Variants in CPVL observed in about 807,000 individuals in gnomAD.
CPVL encodes the protein probable serine carboxypeptidase CPVL.
CPVL carries 51 observed loss-of-function variants against 63.7 expected under a neutral mutation model. The observed-to-expected ratio is 0.80, with a 90% CI of 0.64 to 1.01. The LOEUF (loss-of-function observed/expected upper bound fraction) is 1.01, where lower values mean the gene tolerates loss of function less well. Among genes scored for constraint, CPVL ranks in the 50% least tolerant of loss-of-function variants. The pLI is 0.00. For synonymous variants in CPVL, 195 were observed against 206.0 expected, an observed-to-expected ratio of 0.95 and a Z score of 0.46; for missense variants, 530 against 573.1, an observed-to-expected ratio of 0.92 and a Z score of 0.77.
intron 3 of CPVL, among the ~76,000 whole-genome samples, chr7:29,106,631 A>C (rs529613874): frequency 3.9e-5 from 6 of 152,298 alleles, no homozygotes; most frequent in African/African-American, 1.4e-4. Context: ...TGAGAGCTCT[A>C]CTATGGCAGA....
chr7:29,018,766 C>T (rs1366353880), intron 12 of CPVL, among the ~76,000 whole-genome samples: 1 of 152,096 alleles, frequency 6.6e-6, no homozygotes, highest in African/African-American at 2.4e-5. Flanking sequence ...AATGCAGTGA[C>T]AATATCAACT....
At chr7:29,060,200 G>C (rs534630353) in intron 11 of CPVL, among the ~76,000 whole-genome samples, 2,121 of 33,028 alleles carry the variant, frequency 0.064, 22 homozygotes, top group Middle Eastern at 0.17. Context: ...TAACCATCAG[G>C]CACTCTTCTA....
intron 3 of CPVL, among the ~76,000 whole-genome samples, chr7:29,107,567 C>T (rs1787847350): frequency 6.6e-6 from 1 of 152,182 alleles, no homozygotes; most frequent in African/African-American, 2.4e-5. Flanking sequence ...TGTATCCAAA[C>T]CTCTAGATCT....
upstream of CPVL, chr7:29,146,830 A>G: frequency 1.9e-6 from 3 of 1,550,648 alleles, no homozygotes; most frequent in Non-Finnish European, 2.6e-6. Context: ...TGTATTTTGA[A>G]ATTATTTCTG....
chr7:29,043,732 TG>T (rs992744200), intron 11 of CPVL, among the ~76,000 whole-genome samples: 13 of 152,168 alleles, frequency 8.5e-5, no homozygotes, highest in African/African-American at 3.1e-4. Context: ...GATTGACTCA[TG>T]GCAGGAGTGT....
chr7:29,145,043 G>T (rs1385235915), intron 1 of CPVL, among the ~76,000 whole-genome samples: 1 of 151,546 alleles, frequency 6.6e-6, no homozygotes, highest in Non-Finnish European at 1.5e-5. Context: ...CCTGTACTTA[G>T]ACTAGCATGA....
At chr7:29,102,992 C>T (rs1787314212) in intron 3 of CPVL, among the ~76,000 whole-genome samples, 1 of 151,970 alleles carries the variant, frequency 6.6e-6, no homozygotes. Flanking sequence ...TCCTGTCTGC[C>T]CTATTGTTCC....
At chr7:29,190,281 T>A (rs1782723061) in intron 1 of CPVL, among the ~76,000 whole-genome samples, 1 of 152,180 alleles carries the variant, frequency 6.6e-6, no homozygotes, top group South Asian at 2.1e-4. Context: ...CCATAAAATA[T>A]TTAAAGCTAG....
At chr7:29,030,455 G>T in intron 12 of CPVL, 122 bp downstream of exon 12, 1 of 889,566 alleles carries the variant, frequency 1.1e-6, no homozygotes, top group Non-Finnish European at 1.8e-6. Context: ...GGCCACAGAA[G>T]ACACACACTG....
At chr7:29,069,738 T>G (rs1584165460) in intron 9 of CPVL, among the ~76,000 whole-genome samples, 2 of 147,750 alleles carry the variant, frequency 1.4e-5, no homozygotes, top group Non-Finnish European at 3.1e-5. Flanking sequence ...TGCTATCCCC[T>G]GGGGCTCGGC....
intron 12 of CPVL, among the ~76,000 whole-genome samples, chr7:29,029,120 G>C (rs1451350728): frequency 2.6e-5 from 4 of 152,244 alleles, no homozygotes; most frequent in Admixed American, 1.3e-4. Context: ...TCTCATTGGA[G>C]TTATAATGGC....
At chr7:29,081,916 AGCT>A (rs1784758270) in intron 7 of CPVL, among the ~76,000 whole-genome samples, 1 of 152,226 alleles carries the variant, frequency 6.6e-6, no homozygotes. Flanking sequence ...GGTTCTGAAC[AGCT>A]GCTCCAGACC....
chr7:29,014,322 T>TTTTTGTTTTG (rs201447528), intron 12 of CPVL, among the ~76,000 whole-genome samples: 1 of 151,988 alleles, frequency 6.6e-6, no homozygotes, highest in African/African-American at 2.4e-5. Flanking sequence ...AAGCCAAAGC[T>TTTTTGTTTTG]TTTTGTTTTG....
intron 4 of CPVL, among the ~76,000 whole-genome samples, chr7:29,182,447 G>A (rs1032684512): frequency 4.6e-5 from 7 of 152,148 alleles, no homozygotes; most frequent in South Asian, 2.1e-4. Flanking sequence ...AAAAGAAAAC[G>A]TAGAAAGTTG....
intron 3 of CPVL, among the ~76,000 whole-genome samples, chr7:29,110,529 C>T (rs1386289320): frequency 6.6e-6 from 1 of 152,164 alleles, no homozygotes; most frequent in Non-Finnish European, 1.5e-5. Flanking sequence ...CTGGCTTCTG[C>T]CAATTTACAA....
At chr7:29,136,500 C>T (rs1436357004) in intron 1 of CPVL, among the ~76,000 whole-genome samples, 3 of 152,028 alleles carry the variant, frequency 2.0e-5, no homozygotes, top group African/African-American at 7.3e-5. Flanking sequence ...TGAATTTTCA[C>T]CTTGTTGAAT....
chr7:29,169,386 C>G (rs967939916), intron 5 of CPVL, among the ~76,000 whole-genome samples: 1 of 151,912 alleles, frequency 6.6e-6, no homozygotes, highest in African/African-American at 2.4e-5. Context: ...ATTTTCATAC[C>G]CCTCTAAACA....
intron 5 of CPVL, among the ~76,000 whole-genome samples, chr7:29,159,415 A>G (rs1794877286): frequency 6.6e-6 from 1 of 152,228 alleles, no homozygotes; most frequent in Non-Finnish European, 1.5e-5. Context: ...AATGTTTTGG[A>G]TGGCAGTATT....
chr7:29,009,611 C>A (rs117348006), intron 12 of CPVL: 1 of 151,996 alleles, frequency 6.6e-6, no homozygotes. Context: ...TCACATACAG[C>A]GTTGAATAGC....
Sources: allele counts gnomAD v4.1 joint callset (sites outside exome capture counted in the v4.1 genomes callset), GRCh38; gene constraint gnomAD v4.1.1; transcripts MANE v1.5; gene names NCBI Gene and HGNC (gene_info 2026-07-23, HGNC 2026-07-21).